The following PLXNA4 variants were observed in gnomAD, a reference collection of about 807,000 sequenced individuals.
PLXNA4 encodes the protein plexin-A4.
PLXNA4 carries 44 observed loss-of-function variants against 191.8 expected under a neutral mutation model. That is an observed-to-expected ratio of 0.23 (90% CI 0.18 to 0.29). PLXNA4 has a LOEUF of 0.29. Among genes scored for constraint, PLXNA4 ranks in the 10% least tolerant of loss-of-function variants. The pLI is 1.00. For missense variants in PLXNA4, 1,800 were observed against 2,488.8 expected, an observed-to-expected ratio of 0.72 and a Z score of 5.89; for synonymous variants, 1,082 against 1,009.5, an observed-to-expected ratio of 1.07 and a Z score of -1.36.
chr7:132,318,824 T>C (rs1802050993), intron 3 of PLXNA4, among the ~76,000 whole-genome samples: 2 of 152,158 alleles, frequency 1.3e-5, no homozygotes, highest in South Asian at 4.1e-4. Context: ...GGTGTATATG[T>C]AGGTATGTGT....
intron 3 of PLXNA4, among the ~76,000 whole-genome samples, chr7:132,332,291 A>G (rs1323513164): frequency 6.6e-6 from 1 of 152,120 alleles, no homozygotes; most frequent in Non-Finnish European, 1.5e-5. Context: ...CTTTTCCTAT[A>G]GTGTTTCTGG....
At chr7:132,145,845 G>A (rs1218834965) in intron 28 of PLXNA4, among the ~76,000 whole-genome samples, 3 of 150,430 alleles carry the variant, frequency 2.0e-5, no homozygotes, top group Admixed American at 1.3e-4. Context: ...TGAGGCGGAC[G>A]GATCATTTGA....
chr7:132,489,386 G>A lies in PLXNA4; in HGVS notation c.1277C>T (p.Thr426Met), dbSNP rs751577474. The change falls in exon 3 of 32, where the codon ACG becomes ATG. Residue 426 changes from threonine to methionine, a missense_variant. Coordinates refer to ENST00000321063, the MANE Select transcript of PLXNA4 (RefSeq NM_020911.2). The stretch of plus-strand genomic sequence containing the variant: ...AGACGTCATGCGGTCCCTGTCCTCC[G>A]TGAAGACGGGAATTCCACGCACCAT... The part of the protein sequence containing the change: ...SDMVRGIPVF[T>M]EDRDRMTSVI... 7 of 1,606,612 alleles carry A rather than the reference G, an allele frequency of 4.4e-6. No individual in the cohort carries two copies. The highest frequency in any genetic ancestry group is 2.2e-5 in the South Asian group (2 of 90,860).
At chr7:132,550,773 T>C (rs1319099360) in intron 1 of PLXNA4, among the ~76,000 whole-genome samples, 3 of 140,176 alleles carry the variant, frequency 2.1e-5, no homozygotes, top group Non-Finnish European at 4.6e-5. Context: ...TGGGCTGCAA[T>C]GACCACATCT....
chr7:132,356,512 A>C (rs1409844489), intron 3 of PLXNA4, among the ~76,000 whole-genome samples: 1 of 152,220 alleles, frequency 6.6e-6, no homozygotes. Flanking sequence ...AGCGCCACAT[A>C]AGGGCAAACC....
chr7:132,223,481 T>C (rs1798210543), intron 9 of PLXNA4, 46 bp downstream of exon 9: 1 of 1,499,392 alleles, frequency 6.7e-7, no homozygotes, highest in Non-Finnish European at 9.2e-7. Flanking sequence ...CTGTGTCCCA[T>C]GCTCACAACA....
chr7:132,167,873 TCC>T (rs1332933232), intron 22 of PLXNA4, among the ~76,000 whole-genome samples: 13 of 152,110 alleles, frequency 8.5e-5, no homozygotes, highest in Non-Finnish European at 1.8e-4. Flanking sequence ...TCTAACAAGC[TCC>T]AGTGTGCTCC....
chr7:132,569,081 C>T (rs1166623572), intron 1 of PLXNA4, among the ~76,000 whole-genome samples: 2 of 152,198 alleles, frequency 1.3e-5, no homozygotes, highest in Non-Finnish European at 2.9e-5. Flanking sequence ...TGACTCATGC[C>T]TCGTGGGGTG....
chr7:132,239,318 C>T (rs1798803828), intron 5 of PLXNA4, among the ~76,000 whole-genome samples: 1 of 152,226 alleles, frequency 6.6e-6, no homozygotes, highest in Non-Finnish European at 1.5e-5. Flanking sequence ...CTGGTGCCTT[C>T]TCCAAGCCTT....
At chr7:132,463,618 C>T (rs901572560) in intron 3 of PLXNA4, among the ~76,000 whole-genome samples, 2 of 152,208 alleles carry the variant, frequency 1.3e-5, no homozygotes, top group Admixed American at 6.5e-5. Flanking sequence ...CCCCTTCCTT[C>T]TGGAAGTTAG....
At chr7:132,576,777 G>A (rs1802260054), upstream of PLXNA4, 2 of 187,918 alleles carry the variant, frequency 1.1e-5, no homozygotes, top group Non-Finnish European at 2.0e-5. The surrounding 1 kb of genome is among the most constrained non-coding windows in gnomAD (Gnocchi z 5.8). Context: ...CGGGGGCTGC[G>A]GTGGCGACGC....
At chr7:132,564,358 TCTCCTCCTCCTCCTTCTCCTCCTCCTC>T (rs1801613317) in intron 1 of PLXNA4, among the ~76,000 whole-genome samples, 1 of 78,752 alleles carries the variant, frequency 1.3e-5, no homozygotes, top group Non-Finnish European at 2.7e-5. Flanking sequence ...TTCTCCTCTT[TCTCCTCCTCCTCCTTCTCCTCCTCCTC>T]CTCCTCCCCC....
At chr7:132,314,200 C>T (rs1469246349) in intron 3 of PLXNA4, among the ~76,000 whole-genome samples, 1 of 152,130 alleles carries the variant, frequency 6.6e-6, no homozygotes, top group African/African-American at 2.4e-5. Context: ...TTCACAGAAC[C>T]AAACAAAAGT....
chr7:132,293,042 G>T (rs1399269794), intron 4 of PLXNA4, among the ~76,000 whole-genome samples: 1 of 152,138 alleles, frequency 6.6e-6, no homozygotes, highest in Non-Finnish European at 1.5e-5. Flanking sequence ...AGGGTCCAGG[G>T]TCACAAAATG....
chr7:132,512,287 A>T (rs1228643636), intron 1 of PLXNA4, among the ~76,000 whole-genome samples: 1 of 152,162 alleles, frequency 6.6e-6, no homozygotes, highest in Non-Finnish European at 1.5e-5. Flanking sequence ...CTGTACATAC[A>T]CATGGATCCA....
rs76219626 is a variant in PLXNA4, at chr7:132,201,490, G to A, written c.2586+1156C>T. On this transcript the variant is annotated intron_variant, in intron 12 of 31. Coordinates refer to ENST00000321063, the MANE Select transcript of PLXNA4 (RefSeq NM_020911.2). ...ATTTGTGAAACTGTGCACAAAGCCC[G>A]GTACCAGTTCGTCCTCACTGTTCAC... 7.4e-3 allele frequency among the ~76,000 whole-genome samples: 1,132 copies of A among 152,252 alleles called. 17 individuals carry two copies. Among genetic ancestry groups the A allele is most frequent in the African/African-American group, 0.026 (1,061 of 41,538 alleles).
intron 2 of PLXNA4, among the ~76,000 whole-genome samples, chr7:132,595,843 C>T (rs138555269): frequency 6.6e-6 from 1 of 152,314 alleles, no homozygotes; most frequent in Non-Finnish European, 1.5e-5. Flanking sequence ...CATCTTGTCA[C>T]ATTTGTAGAC....
rs370750310 is a variant in PLXNA4, at chr7:132,174,892, A to T, written c.3903T>A (p.His1301Gln). Reference sequence around the variant, plus strand: ...CTCCATCCAGGTCACTGGTCAGCTCATGGATGTCCGTCTGCAGCTCGGCAA... The same window carrying T: ...CTCCATCCAGGTCACTGGTCAGCTCTTGGATGTCCGTCTGCAGCTCGGCAA... ...EAFAELQTDI[H>Q]ELTSDLDGAG... Residue 1301 changes from histidine (H) to glutamine (Q), a missense_variant, in exon 21 of 32, where the codon CAT (histidine) becomes CAA (glutamine). This residue lies in a region of PLXNA4 where 1,397 missense variants were observed against 1,880.4 expected (regional missense o/e 0.74). Transcript: ENST00000321063. 3 of 1,612,530 alleles carry T rather than the reference A, an allele frequency of 1.9e-6. No individual in the cohort carries two copies. The highest frequency in any genetic ancestry group is 2.5e-6 in the Non-Finnish European group (3 of 1,178,744).
At chr7:132,305,216 G>T (rs1040948913) in intron 3 of PLXNA4, among the ~76,000 whole-genome samples, 2 of 152,100 alleles carry the variant, frequency 1.3e-5, no homozygotes, top group African/African-American at 4.8e-5. Flanking sequence ...ACTAACAATT[G>T]CATAGATGCA....
Sources: allele counts gnomAD v4.1 joint callset (sites outside exome capture counted in the v4.1 genomes callset), GRCh38; gene constraint gnomAD v4.1.1; regional missense constraint gnomAD v4.1.1; non-coding constraint Gnocchi (gnomAD v3.1); transcripts MANE v1.5; gene names NCBI Gene and HGNC (gene_info 2026-07-23, HGNC 2026-07-21).